SAMTOR: variants seen among roughly 807,000 people sequenced by gnomAD.
The protein encoded by SAMTOR is S-adenosylmethionine sensor upstream of mTORC1.
At chr7:112,890,547 A>T in the SAMTOR span, among the ~76,000 whole-genome samples, 6 of 152,116 alleles carry the variant, frequency 3.9e-5, no homozygotes. Flanking sequence ...AGCATAGTCC[A>T]TACTCAGGGG....
the SAMTOR span, chr7:112,819,683 A>G: frequency 6.6e-6 from 1 of 152,576 alleles, no homozygotes; most frequent in South Asian, 2.1e-4. Context: ...TACATCATGC[A>G]CACTTTGGAG....
the SAMTOR span, among the ~76,000 whole-genome samples, chr7:112,869,782 A>G: frequency 6.6e-6 from 1 of 152,218 alleles, no homozygotes; most frequent in Non-Finnish European, 1.5e-5. Flanking sequence ...AAAACTCAAC[A>G]AGATTCAAGA....
the SAMTOR span, among the ~76,000 whole-genome samples, chr7:112,835,324 T>A: frequency 6.6e-6 from 1 of 152,142 alleles, no homozygotes; most frequent in Non-Finnish European, 1.5e-5. Flanking sequence ...ATTTTTTACC[T>A]CCTTACCACT....
the SAMTOR span, among the ~76,000 whole-genome samples, chr7:112,903,207 G>A: frequency 6.6e-6 from 1 of 152,028 alleles, no homozygotes; most frequent in East Asian, 1.9e-4. Flanking sequence ...CAGCTACTCG[G>A]GAGGCTGAGG....
At chr7:112,903,329 C>T in the SAMTOR span, among the ~76,000 whole-genome samples, 1 of 148,578 alleles carries the variant, frequency 6.7e-6, no homozygotes, top group Non-Finnish European at 1.5e-5. Flanking sequence ...AAAAAAAAGT[C>T]GTATCATAAA....
the SAMTOR span, chr7:112,819,216 C>G: frequency 2.0e-5 from 3 of 152,570 alleles, no homozygotes; most frequent in African/African-American, 7.2e-5. Context: ...AACAAACACA[C>G]ACGTACATTT....
the SAMTOR span, among the ~76,000 whole-genome samples, chr7:112,904,925 C>G: frequency 6.6e-6 from 1 of 152,100 alleles, no homozygotes; most frequent in Non-Finnish European, 1.5e-5. Flanking sequence ...CTTATACATC[C>G]AGAGAGAGAC....
the SAMTOR span, among the ~76,000 whole-genome samples, chr7:112,922,831 G>T: frequency 2.0e-5 from 3 of 150,680 alleles, no homozygotes; most frequent in Admixed American, 6.6e-5. Context: ...GGAGGGAGGT[G>T]GGGGGTCAGA....
chr7:112,860,259 G>T, the SAMTOR span, among the ~76,000 whole-genome samples: 1 of 152,102 alleles, frequency 6.6e-6, no homozygotes, highest in African/African-American at 2.4e-5. Context: ...TTCACACAAC[G>T]ATTGACTAAT....
chr7:112,908,836 C>G, the SAMTOR span, among the ~76,000 whole-genome samples: 145 of 152,318 alleles, frequency 9.5e-4, no homozygotes, highest in African/African-American at 3.4e-3. Flanking sequence ...CTCTGCTTAC[C>G]TTTAAGAAAC....
the SAMTOR span, among the ~76,000 whole-genome samples, chr7:112,920,815 C>G: frequency 1.6e-3 from 240 of 150,916 alleles, 1 homozygote; most frequent in African/African-American, 5.5e-3. Context: ...AACAGACAAA[C>G]AGCCAAATCA....
chr7:112,881,777 T>C, the SAMTOR span, among the ~76,000 whole-genome samples: 1 of 152,026 alleles, frequency 6.6e-6, no homozygotes, highest in Non-Finnish European at 1.5e-5. Flanking sequence ...TCAATAAAGC[T>C]CTTCTCCACC....
chr7:112,907,842 CTTAT>C, the SAMTOR span, among the ~76,000 whole-genome samples: 377 of 146,432 alleles, frequency 2.6e-3, 4 homozygotes, highest in African/African-American at 5.8e-3. Context: ...TTCTTACTTA[CTTAT>C]TTATTTATTT....
chr7:112,907,537 G>A, the SAMTOR span, among the ~76,000 whole-genome samples: 2 of 151,230 alleles, frequency 1.3e-5, no homozygotes, highest in Non-Finnish European at 2.9e-5. Context: ...TATGGCAAAA[G>A]ATATAGTCAA....
chr7:112,913,435 G>T, the SAMTOR span, among the ~76,000 whole-genome samples: 1 of 151,992 alleles, frequency 6.6e-6, no homozygotes, highest in Non-Finnish European at 1.5e-5. Flanking sequence ...CTATAATTTC[G>T]TGCCATGATT....
the SAMTOR span, among the ~76,000 whole-genome samples, chr7:112,872,679 A>T: frequency 6.6e-6 from 1 of 152,132 alleles, no homozygotes; most frequent in African/African-American, 2.4e-5. Flanking sequence ...GAAGAGAGGA[A>T]GTCAATTATC....
the SAMTOR span, among the ~76,000 whole-genome samples, chr7:112,898,453 ACCAGC>A: frequency 1.3e-5 from 2 of 152,314 alleles, no homozygotes; most frequent in Middle Eastern, 3.4e-3. Flanking sequence ...CAACCCAGGT[ACCAGC>A]CCAGCCACAG....
At chr7:112,890,204 T>C in the SAMTOR span, among the ~76,000 whole-genome samples, 82 of 152,264 alleles carry the variant, frequency 5.4e-4, no homozygotes, top group African/African-American at 1.8e-3. Context: ...AGCGCCTAAA[T>C]GTTTAATGCA....
chr7:112,846,145 CTTT>C, the SAMTOR span, among the ~76,000 whole-genome samples: 6 of 128,962 alleles, frequency 4.7e-5, no homozygotes, highest in Non-Finnish European at 3.2e-5. Context: ...ATCTGTACAA[CTTT>C]TTTTTTTTTT....
Sources: gnomAD v4.1 joint callset for allele counts (sites outside exome capture counted in the v4.1 genomes callset) on GRCh38, gnomAD v4.1.1 for gene constraint, MANE v1.5 for transcripts, NCBI Gene and HGNC (gene_info 2026-07-23, HGNC 2026-07-21) for gene names.